SLC4A4: variants seen among roughly 807,000 people sequenced by gnomAD.
The protein encoded by SLC4A4 is electrogenic sodium bicarbonate cotransporter 1.
SLC4A4 carries 27 observed loss-of-function variants against 111.5 expected under a neutral mutation model. That is an observed-to-expected ratio of 0.24 (90% CI 0.18 to 0.33). The LOEUF (loss-of-function observed/expected upper bound fraction) is 0.33, where lower values mean the gene tolerates loss of function less well. SLC4A4 is among the 10% of genes least tolerant of loss of function. The pLI, the probability that SLC4A4 is intolerant of heterozygous loss-of-function variation, is 1.00. For missense variants in SLC4A4, 909 were observed against 1,315.5 expected (o/e 0.69, Z 4.78); for synonymous variants, 443 against 463.4 (o/e 0.96, Z 0.57).
At chr4:71,339,196 C>T in intron 3 of SLC4A4, 174 bp from the exon 4 acceptor site, 1 of 1,613,922 alleles carries the variant, frequency 6.2e-7, no homozygotes. Context: ...TAGAGAAGGG[C>T]TTTGATTTCT....
At chr4:71,319,284 G>T (rs1726941932) in intron 3 of SLC4A4, among the ~76,000 whole-genome samples, 1 of 151,830 alleles carries the variant, frequency 6.6e-6, no homozygotes, top group African/African-American at 2.4e-5. Flanking sequence ...TTCTATTCAT[G>T]TGCTTTATTT....
intron 6 of SLC4A4, among the ~76,000 whole-genome samples, chr4:71,395,009 CA>C (rs1244791482): frequency 6.6e-6 from 1 of 152,034 alleles, no homozygotes; most frequent in Admixed American, 6.6e-5. Context: ...CAAAATCTCA[CA>C]AATCATCACT....
At position 71,099,049 on chromosome 4, in the gene SLC4A4, T is replaced by C. The variant is rs933388646; in HGVS notation, c.-2+6257T>C. On this transcript the variant is annotated intron_variant, in intron 2 of 26. Transcript: ENST00000649996. The stretch of plus-strand genomic sequence containing the variant: ...TCTACTGACAGTATTAGATAGATCA[T>C]TGACGCAGAACATTAACAAAAATAT... Among the ~76,000 whole-genome samples the C allele has an allele frequency of 7.9e-5, 12 of 152,234 alleles. No individual in the cohort carries two copies. The South Asian group carries it at 8.3e-4, about 11-fold the overall frequency.
At chr4:71,334,936 A>G (rs1356455279) in intron 3 of SLC4A4, among the ~76,000 whole-genome samples, 4 of 152,148 alleles carry the variant, frequency 2.6e-5, no homozygotes, top group Non-Finnish European at 5.9e-5. Flanking sequence ...AGAGGTGGGG[A>G]CAAACCTACA....
chr4:71,117,191 A>C (rs772019900), intron 2 of SLC4A4, among the ~76,000 whole-genome samples: 6 of 152,124 alleles, frequency 3.9e-5, no homozygotes, highest in Non-Finnish European at 7.4e-5. Context: ...TATGTTGTGC[A>C]GGCGGATCTC....
intron 16 of SLC4A4, among the ~76,000 whole-genome samples, chr4:71,500,958 C>A (rs1348616700): frequency 6.6e-6 from 1 of 152,124 alleles, no homozygotes; most frequent in African/African-American, 2.4e-5. Flanking sequence ...TGATTTGATA[C>A]AAATTTTAGG....
In SLC4A4 at chr4:71,336,474, C is replaced by T. The variant is rs190479010; in HGVS notation, c.254-2896C>T. Among the ~76,000 whole-genome samples, 427 of 152,250 alleles carry T rather than the reference C, an allele frequency of 2.8e-3. 5 individuals carry two copies. The highest frequency in any genetic ancestry group is 2.9e-3 in the Non-Finnish European group (195 of 68,016). On this transcript the variant is annotated intron_variant, in intron 3 of 25. Transcript: ENST00000264485. ...TTATTCAGTACACAGTAATTTAAAA[C>T]ATTAGAAATATTGATATTAAAATTG... is the stretch of plus-strand genomic sequence containing the variant.
intron 1 of SLC4A4, 63 bp from the exon 2 acceptor site, chr4:71,236,513 T>C: frequency 6.8e-7 from 1 of 1,466,858 alleles, no homozygotes; most frequent in Non-Finnish European, 9.5e-7. Context: ...GAAGCTGGGC[T>C]GCTCCAAGTG....
At chr4:71,085,725 G>C (rs1488806268) in intron 1 of SLC4A4, among the ~76,000 whole-genome samples, 1 of 151,990 alleles carries the variant, frequency 6.6e-6, no homozygotes, top group Non-Finnish European at 1.5e-5. Context: ...TAGATTTGCG[G>C]CATTATTTCT....
At chr4:71,308,346 CCTTTTGGGATA>C (rs1725854401) in intron 3 of SLC4A4, among the ~76,000 whole-genome samples, 1 of 151,968 alleles carries the variant, frequency 6.6e-6, no homozygotes, top group Non-Finnish European at 1.5e-5. Flanking sequence ...TGGATTTTTC[CCTTTTGGGATA>C]TAAGCCCATC....
intron 3 of SLC4A4, among the ~76,000 whole-genome samples, chr4:71,305,362 A>G (rs181984771): frequency 3.3e-5 from 5 of 152,324 alleles, no homozygotes; most frequent in Admixed American, 2.6e-4. Flanking sequence ...GGTCTGTTCC[A>G]TTCTAAAGAT....
chr4:71,251,534 G>A (rs1721069037), intron 2 of SLC4A4, among the ~76,000 whole-genome samples: 1 of 152,166 alleles, frequency 6.6e-6, no homozygotes, highest in South Asian at 2.1e-4. Flanking sequence ...GATATTTAGA[G>A]TTTGTTGGGA....
intron 7 of SLC4A4, among the ~76,000 whole-genome samples, chr4:71,438,391 G>A (rs921993027): frequency 6.6e-6 from 1 of 152,322 alleles, no homozygotes; most frequent in Non-Finnish European, 1.5e-5. Flanking sequence ...ATATTACAAT[G>A]TGATAATAAG....
intron 2 of SLC4A4, among the ~76,000 whole-genome samples, chr4:71,145,300 C>A (rs180723972): frequency 6.6e-6 from 1 of 152,178 alleles, no homozygotes; most frequent in Non-Finnish European, 1.5e-5. Flanking sequence ...ATGAAGCCCA[C>A]TTGATCATGG....
intron 7 of SLC4A4, among the ~76,000 whole-genome samples, chr4:71,417,099 G>A (rs1298274805): frequency 6.6e-6 from 1 of 152,174 alleles, no homozygotes; most frequent in East Asian, 1.9e-4. Context: ...CCACAACACA[G>A]GTGTGAACAC....
In SLC4A4 at chr4:71,332,445, CT is replaced by C. The variant is rs1217439953; in HGVS notation, c.254-6908del. On this transcript the variant is annotated intron_variant, in intron 3 of 25. Coordinates refer to ENST00000264485, the MANE Select transcript of SLC4A4 (RefSeq NM_001098484.3). ...TTTGTCTCCTCTGACTGTGTATTTT[CT>C]TTTTTTTTTTTTTTTTGAGACGGAG... Among the ~76,000 whole-genome samples, 471 of 136,860 alleles carry C rather than the reference CT, an allele frequency of 3.4e-3. 1 individual carries two copies. Among genetic ancestry groups the C allele is most frequent in the African/African-American group, 6.6e-3 (247 of 37,470 alleles). The allele number at this position is 136,860 out of a possible 152,430, so 89.8% of individuals were successfully genotyped here. A position where few individuals can be genotyped will look rare whatever the true frequency, so the allele number is the denominator to read the frequency against.
At chr4:71,112,388 C>T (rs923694236) in intron 2 of SLC4A4, among the ~76,000 whole-genome samples, 2 of 152,088 alleles carry the variant, frequency 1.3e-5, no homozygotes, top group African/African-American at 2.4e-5. Context: ...TAAATATAGT[C>T]GGGTTAATTA....
Position 71,339,430 on chromosome 4 carries a change from C to T in SLC4A4, c.314C>T (p.Pro105Leu), listed in dbSNP as rs1220574168. The T allele has an allele frequency of 6.2e-7, 1 of 1,613,996 alleles. No individual in the cohort carries two copies. The highest frequency in any genetic ancestry group is 1.3e-5 in the African/African-American group (1 of 74,914). The change falls in exon 4 of 26, where the codon CCC becomes CTC. Residue 105 changes from proline (P) to leucine (L), a missense_variant. Coordinates refer to ENST00000264485, the MANE Select transcript of SLC4A4 (RefSeq NM_001098484.3). ...ILGEEDDSPA[P>L]PQLFTELDEL... is the part of the protein sequence containing the mutation. ...GGAGAGGAGGATGACAGCCCAGCTC[C>T]CCCTCAGCTCTTCACGGAACTGGAT... is the stretch of plus-strand genomic sequence containing the variant.
chr4:71,270,370 A>G (rs1294055629), intron 3 of SLC4A4, among the ~76,000 whole-genome samples: 1 of 152,158 alleles, frequency 6.6e-6, no homozygotes. Flanking sequence ...GATTACAGGC[A>G]TGAGCCACCG....
Sources: allele counts gnomAD v4.1 joint callset (sites outside exome capture counted in the v4.1 genomes callset), GRCh38; gene constraint gnomAD v4.1.1; transcripts MANE v1.5; gene names NCBI Gene and HGNC (gene_info 2026-07-23, HGNC 2026-07-21).